ITIH1: variants seen among roughly 807,000 people sequenced by gnomAD.
ITIH1 encodes the protein inter-alpha-trypsin inhibitor heavy chain H1.
Under a neutral mutation model 104.6 loss-of-function variants are expected in ITIH1, and 94 were observed. That is an observed-to-expected ratio of 0.90 (90% confidence interval 0.76 to 1.07). ITIH1 has a LOEUF of 1.07. ITIH1 is among the 50% of genes least tolerant of loss of function. The probability of loss-of-function intolerance (pLI) is 0.00; values close to 1 mark genes in which losing one functional copy is unlikely to be tolerated. For missense variants in ITIH1, 1,193 were observed against 1,181.4 expected (o/e 1.01, Z -0.14); for synonymous variants, 455 against 464.4 (o/e 0.98, Z 0.26).
Position 52,791,570 on chromosome 3 carries a change from G to C in ITIH1, c.2548G>C (p.Asp850His), listed in dbSNP as rs774566520. The change falls in exon 21 of 22, where the codon GAC (aspartate) becomes CAC (histidine). Residue 850 changes from aspartate to histidine, a missense_variant. Transcript: ENST00000273283. ...FEVSDIHPGS[D>H]PTKPDATMVV... ...AGTGTCTGACATCCACCCAGGCTCT[G>C]ACCCCACAAAGCCAGATGCCACGAT... is the stretch of plus-strand genomic sequence containing the variant. The C allele has an allele frequency of 6.2e-7, 1 of 1,614,104 alleles. No homozygotes were observed. Among genetic ancestry groups the C allele is most frequent in the South Asian group, 1.1e-5 (1 of 91,082 alleles).
At chr3:52,784,673 G>C (rs756168829) in intron 11 of ITIH1, among the ~76,000 whole-genome samples, 196 bp downstream of exon 11, 17 of 152,138 alleles carry the variant, frequency 1.1e-4, no homozygotes, top group Non-Finnish European at 2.4e-4. Flanking sequence ...TCGGGAGTTC[G>C]AGACCAGCCT....
Position 52,787,825 on chromosome 3 carries a change from G to A in ITIH1, c.1925-161G>A, listed in dbSNP as rs1415752631. On this transcript the variant is annotated intron_variant, in intron 16 of 21. Transcript: ENST00000273283. Reference sequence around the variant, plus strand: ...CATGCCAGGCCAAGCTTCTGTCCCCGTGTCCCGGGAGCCAATCAAGGGCAT... The same window carrying A: ...CATGCCAGGCCAAGCTTCTGTCCCCATGTCCCGGGAGCCAATCAAGGGCAT... 25 of 915,718 alleles carry A rather than the reference G, an allele frequency of 2.7e-5. No individual in the cohort carries two copies. In the East Asian group the frequency reaches 3.4e-4, roughly 12 times the overall value. 56.7% of individuals were successfully genotyped at this position (915,718 alleles called of 1,614,324 possible). A position where few individuals can be genotyped will look rare whatever the true frequency, so the allele number is the denominator to read the frequency against.
At chr3:52,789,557 C>T in intron 18 of ITIH1, 96 bp from the exon 19 acceptor site, 2 of 1,063,910 alleles carry the variant, frequency 1.9e-6, no homozygotes, top group South Asian at 1.4e-5. Flanking sequence ...GTGGCACAGG[C>T]AGGGCGTAGA....
intron 19 of ITIH1, 76 bp downstream of exon 19, chr3:52,789,930 C>T: frequency 1.4e-6 from 2 of 1,456,626 alleles, no homozygotes; most frequent in South Asian, 2.3e-5. Context: ...TCTGCAGGGC[C>T]CTCGTCCCTG....
chr3:52,780,969 C>T (rs1004926720), intron 6 of ITIH1, among the ~76,000 whole-genome samples: 2 of 152,194 alleles, frequency 1.3e-5, no homozygotes, highest in Non-Finnish European at 2.9e-5. Context: ...CTTTAGTTCC[C>T]ACTTATGTAG....
chr3:52,778,396 C>T lies in ITIH1; in HGVS notation c.195C>T (p.Arg65=). The change falls in exon 3 of 22, where the codon CGC becomes CGT. Residue 65 remains arginine, a synonymous_variant. Transcript: ENST00000273283. ...AAGTCAACTGCAAAGTCACCTCTCGCTTCGCCCACTATGTTGTCACCAGCC... is the reference window on the plus strand; with the variant it reads ...AAGTCAACTGCAAAGTCACCTCTCGTTTCGCCCACTATGTTGTCACCAGCC... ...SLKVNCKVTS[R]FAHYVVTSQV... 4 of 1,614,258 alleles carry T rather than the reference C, an allele frequency of 2.5e-6. No homozygotes were observed. The highest frequency in any genetic ancestry group is 3.4e-6 in the Non-Finnish European group (4 of 1,180,048).
At chr3:52,791,374 T>C (rs1699350847) in intron 20 of ITIH1, 143 bp from the exon 21 acceptor site, 1 of 625,450 alleles carries the variant, frequency 1.6e-6, no homozygotes, top group Non-Finnish European at 2.8e-6. Context: ...TAGCTTTTCA[T>C]GCTGGGACTG....
At position 52,787,025 on chromosome 3, in the gene ITIH1, C is replaced by T. The variant is rs201697654; in HGVS notation, c.1814C>T (p.Pro605Leu). The change falls in exon 14 of 22, where the codon CCA (proline) becomes CTA (leucine). Residue 605 changes from proline to leucine, a missense_variant. Physicochemically the swap from Pro to Leu is moderately conservative, Grantham distance 98 (BLOSUM62 -3). Coordinates refer to ENST00000273283, the MANE Select transcript of ITIH1 (RefSeq NM_002215.4). ...TCGCTGGACTATGGGTTTGTGACCC[C>T]ACTGACCTCCATGAGCATCAGGGGC... ...QMSLDYGFVT[P>L]LTSMSIRGMA... The T allele has an allele frequency of 3.7e-6, 6 of 1,614,058 alleles. No individual in the cohort carries two copies. Among genetic ancestry groups the T allele is most frequent in the Non-Finnish European group, 5.1e-6 (6 of 1,180,028 alleles).
chr3:52,780,840 T>C (rs1699017291), intron 6 of ITIH1, among the ~76,000 whole-genome samples: 1 of 152,222 alleles, frequency 6.6e-6, no homozygotes, highest in Admixed American at 6.5e-5. Flanking sequence ...TTGCCACTAT[T>C]TGCAGGAATC....
chr3:52,788,807 C>A (rs1440943522), intron 18 of ITIH1, among the ~76,000 whole-genome samples: 1 of 152,156 alleles, frequency 6.6e-6, no homozygotes, highest in Non-Finnish European at 1.5e-5. Flanking sequence ...GTGATCCGTC[C>A]ACCTCGGCCT....
In ITIH1 at chr3:52,791,966, G is replaced by T. The variant is rs866458337; in HGVS notation, c.*55G>T. 58 of 1,559,532 alleles carry T rather than the reference G, an allele frequency of 3.7e-5. 1 individual carries two copies. Among genetic ancestry groups the T allele is most frequent in the Non-Finnish European group, 4.7e-5 (54 of 1,147,206 alleles). ...CGGGGCCAAGGCAGAGGAGGAGGAC[G>T]ACATCCTGACCTGCTGCTGAGGCTG... is the stretch of plus-strand genomic sequence containing the variant. On this transcript the variant is annotated 3_prime_UTR_variant, in exon 22 of 22. Transcript: ENST00000273283.
chr3:52,782,011 C>T lies in ITIH1; in HGVS notation c.759C>T (p.Asn253=), dbSNP rs748982880. 8.0e-5 allele frequency: 129 copies of T among 1,614,002 alleles called. No individual in the cohort carries two copies. The South Asian group carries it at 1.0e-3, about 13-fold the overall frequency. ...SCPTCSTSLL[N]GHFKVTYDVS... Reference sequence around the variant, plus strand: ...CCACATGCTCTACATCCTTACTGAACGGGCACTTCAAGGTGACCTACGATG... The same window carrying T: ...CCACATGCTCTACATCCTTACTGAATGGGCACTTCAAGGTGACCTACGATG... Residue 253 remains asparagine, a synonymous_variant, in exon 7 of 22, where the codon AAC becomes AAT. Coordinates refer to ENST00000273283, the MANE Select transcript of ITIH1 (RefSeq NM_002215.4).
At position 52,786,287 on chromosome 3, in the gene ITIH1, A is replaced by C; in HGVS notation, c.1594-8A>C. 1 of 1,566,138 alleles carries C rather than the reference A, an allele frequency of 6.4e-7. No individual in the cohort carries two copies. Among genetic ancestry groups the C allele is most frequent in the Non-Finnish European group, 8.7e-7 (1 of 1,154,048 alleles). The stretch of plus-strand genomic sequence containing the variant: ...GTGCACCACCCCTCTCTGTACCTCA[A>C]CTCTCAGGAGGGACAAGAATTCAGT... On this transcript the variant is annotated splice_region_variant and splice_polypyrimidine_tract_variant and intron_variant, in intron 12 of 21. Transcript: ENST00000273283.
rs188689346 is a variant in ITIH1 at position 52,782,759 on chromosome 3, G to T, written c.931-198G>T. On this transcript the variant is annotated intron_variant, in intron 8 of 21. Coordinates refer to ENST00000273283, the MANE Select transcript of ITIH1 (RefSeq NM_002215.4). ...CCTGATTATTTCTTTTCCCCATGGT[G>T]GGTTCCTTTGCCTTCTCCACCTCCC... is the stretch of plus-strand genomic sequence containing the variant. Among the ~76,000 whole-genome samples, 245 of 152,170 alleles carry T rather than the reference G, an allele frequency of 1.6e-3. 3 individuals are homozygous for T. The highest frequency in any genetic ancestry group is 0.016 in the Admixed American group (242 of 15,284).
rs775398351 is a variant in ITIH1 at position 52,788,012 on chromosome 3, TCTC to T, written c.1954_1956del (p.Pro652del). 3.1e-6 allele frequency: 5 copies of T among 1,613,572 alleles called. No individual in the cohort carries two copies. In the Admixed American group the frequency reaches 6.7e-5, roughly 22 times the overall value. On this transcript the variant is annotated inframe_deletion, in exon 17 of 22. Coordinates refer to ENST00000273283, the MANE Select transcript of ITIH1 (RefSeq NM_002215.4). ...GTTCGTGCTGTCAGCCTTGCAGCCT[TCTC>T]CTACTCATTCCAGCTCCAATACCCA...
rs1407937756 is a variant in ITIH1, at chr3:52,785,118, C to T, written c.1482C>T (p.Ala494=). The change falls in exon 12 of 22, where the codon GCC becomes GCT. Residue 494 remains alanine (A), a synonymous_variant. Transcript: ENST00000273283. ...AGTACCCCCAGGATGCTGTCTTGGC[C>T]CTGACCCAGAACCACCATAAACAGT... ...DLQYPQDAVL[A]LTQNHHKQYY... is the part of the protein sequence containing the mutation. 1.2e-6 allele frequency: 2 copies of T among 1,614,110 alleles called. No individual in the cohort carries two copies. The highest frequency in any genetic ancestry group is 1.7e-6 in the Non-Finnish European group (2 of 1,180,000).
intron 8 of ITIH1, among the ~76,000 whole-genome samples, chr3:52,782,649 G>A (rs1345649372): frequency 1.3e-5 from 2 of 152,194 alleles, no homozygotes; most frequent in African/African-American, 2.4e-5. Context: ...CCTGTCCATG[G>A]TGCAGTGTAG....
At position 52,790,780 on chromosome 3, in the gene ITIH1, C is replaced by CTGG; in HGVS notation, c.2359_2361dup (p.Val787dup). On this transcript the variant is annotated inframe_insertion, in exon 20 of 22. Transcript: ENST00000273283. Reference sequence around the variant, plus strand: ...GGTGACCATCAACAAGAAGAGGAACCTGGTGGTGTCTGTGGACGACGGTGG... The same window carrying CTGG: ...GGTGACCATCAACAAGAAGAGGAACCTGGTGGTGGTGTCTGTGGACGACGGTGG... The CTGG allele has an allele frequency of 6.2e-7, 1 of 1,613,050 alleles. No homozygotes were observed. The highest frequency in any genetic ancestry group is 8.5e-7 in the Non-Finnish European group (1 of 1,179,620).
Position 52,787,100 on chromosome 3 carries a change from G to T in ITIH1, c.1888+1G>T, listed in dbSNP as rs1168134982. The T allele has an allele frequency of 1.2e-6, 2 of 1,614,234 alleles. No homozygotes were observed. Among genetic ancestry groups the T allele is most frequent in the East Asian group, 2.2e-5 (1 of 44,886 alleles). ...CCCACCATCGACAAGCCCTCAGAGG[G>T]TATAGGCTGCAGGGGTCTACAGAAG... On this transcript the variant is annotated splice_donor_variant, in intron 14 of 21. Coordinates refer to ENST00000273283, the MANE Select transcript of ITIH1 (RefSeq NM_002215.4). LOFTEE classifies it high-confidence loss of function.
Sources: gnomAD v4.1 joint callset for allele counts (sites outside exome capture counted in the v4.1 genomes callset) on GRCh38, gnomAD v4.1.1 for gene constraint, MANE v1.5 for transcripts, NCBI Gene and HGNC (gene_info 2026-07-23, HGNC 2026-07-21) for gene names.